The following CMSS1 variants were observed in gnomAD, a reference collection of about 807,000 sequenced individuals.
The protein encoded by CMSS1 is protein CMSS1.
CMSS1 carries 33 observed loss-of-function variants against 43.5 expected under a neutral mutation model. The observed-to-expected ratio is 0.76, with a 90% CI of 0.57 to 1.01. CMSS1 has a LOEUF of 1.01. CMSS1 is among the 50% of genes least tolerant of loss of function. CMSS1 has a pLI of 0.00. For synonymous variants in CMSS1, 115 were observed against 117.2 expected (o/e 0.98, Z 0.12); for missense variants, 313 against 326.4 (o/e 0.96, Z 0.32).
intron 1 of CMSS1, among the ~76,000 whole-genome samples, chr3:99,996,942 C>A (rs557578479): frequency 6.6e-6 from 1 of 151,896 alleles, no homozygotes; most frequent in Non-Finnish European, 1.5e-5. Context: ...AAAATTTTTT[C>A]GAAACAAATG....
chr3:99,940,195 G>A (rs1376839581), intron 1 of CMSS1, among the ~76,000 whole-genome samples: 5 of 152,216 alleles, frequency 3.3e-5, no homozygotes. Flanking sequence ...AAACAGGGCT[G>A]AGAATGTTTT....
chr3:100,094,741 T>C, intron 1 of CMSS1, among the ~76,000 whole-genome samples: 1 of 130,762 alleles, frequency 7.6e-6, no homozygotes, highest in Non-Finnish European at 1.6e-5. Context: ...TGGAGTGCAG[T>C]GGCACAATCT....
intron 1 of CMSS1, among the ~76,000 whole-genome samples, chr3:99,989,565 T>C (rs962195990): frequency 6.6e-6 from 1 of 152,286 alleles, no homozygotes; most frequent in African/African-American, 2.4e-5. Flanking sequence ...GTTTCACTGC[T>C]CTTGCAAGCT....
intron 1 of CMSS1, among the ~76,000 whole-genome samples, chr3:100,097,773 G>T (rs2066236557): frequency 6.6e-6 from 1 of 152,062 alleles, no homozygotes; most frequent in Non-Finnish European, 1.5e-5. Context: ...AAGACTACTT[G>T]GTTATTAAAT....
At chr3:99,854,470 A>T (rs781102604) in intron 1 of CMSS1, among the ~76,000 whole-genome samples, 5 of 152,192 alleles carry the variant, frequency 3.3e-5, no homozygotes, top group South Asian at 4.1e-4. Flanking sequence ...AGAGCTGTGT[A>T]GTCAAATTAT....
chr3:99,906,113 G>C (rs1035179164), intron 1 of CMSS1, among the ~76,000 whole-genome samples: 1 of 152,218 alleles, frequency 6.6e-6, no homozygotes, highest in Admixed American at 6.5e-5. Flanking sequence ...AGGATCGCTT[G>C]AGCCCAGGAG....
chr3:99,920,089 T>C (rs1707077357), intron 1 of CMSS1, among the ~76,000 whole-genome samples: 1 of 152,226 alleles, frequency 6.6e-6, no homozygotes, highest in Non-Finnish European at 1.5e-5. Flanking sequence ...TTTAAGGCTT[T>C]AACACAATCC....
chr3:100,101,645 G>A (rs969006760), intron 1 of CMSS1, among the ~76,000 whole-genome samples: 3 of 152,128 alleles, frequency 2.0e-5, no homozygotes, highest in Non-Finnish European at 2.9e-5. Context: ...TATACTTTAA[G>A]TTTTAGGGTA....
At chr3:99,849,028 T>C in intron 1 of CMSS1, 1 of 1,614,082 alleles carries the variant, frequency 6.2e-7, no homozygotes, top group Non-Finnish European at 8.5e-7. Flanking sequence ...AAAGTTGGCA[T>C]TGGGTTTAGT....
chr3:99,912,533 A>C (rs1393932207), intron 1 of CMSS1, among the ~76,000 whole-genome samples: 1 of 152,122 alleles, frequency 6.6e-6, no homozygotes, highest in Non-Finnish European at 1.5e-5. Context: ...GCATGCCAGC[A>C]CACCCAGCTA....
intron 1 of CMSS1, among the ~76,000 whole-genome samples, chr3:100,110,332 A>G (rs2107475353): frequency 6.6e-6 from 1 of 152,242 alleles, no homozygotes; most frequent in East Asian, 1.9e-4. Flanking sequence ...GCTCAGAAGC[A>G]GCTGCCTCTG....
chr3:99,881,023 A>G (rs984637320), intron 1 of CMSS1, among the ~76,000 whole-genome samples: 3 of 152,338 alleles, frequency 2.0e-5, no homozygotes, highest in South Asian at 2.1e-4. Flanking sequence ...CACAAAGCCA[A>G]CTACTGCCTG....
chr3:100,101,934 T>C (rs1235406366), intron 1 of CMSS1, among the ~76,000 whole-genome samples: 1 of 152,178 alleles, frequency 6.6e-6, no homozygotes, highest in African/African-American at 2.4e-5. Flanking sequence ...TCCATGTCCC[T>C]ACAAAGGACA....
chr3:100,152,313 TCTGACTCTCTCAGC>T (rs1330991179), intron 2 of CMSS1, among the ~76,000 whole-genome samples: 4 of 152,286 alleles, frequency 2.6e-5, no homozygotes, highest in Non-Finnish European at 5.9e-5. Flanking sequence ...CTCATTGTTC[TCTGACTCTCTCAGC>T]CCAAACTAGT....
chr3:100,101,497 C>A (rs529120123), intron 1 of CMSS1, among the ~76,000 whole-genome samples: 1 of 152,158 alleles, frequency 6.6e-6, no homozygotes, highest in South Asian at 2.1e-4. Context: ...CACAACCTTG[C>A]TTTCGGTGAA....
intron 1 of CMSS1, among the ~76,000 whole-genome samples, chr3:100,026,552 A>G (rs2064925751): frequency 6.6e-6 from 1 of 152,118 alleles, no homozygotes; most frequent in Non-Finnish European, 1.5e-5. Flanking sequence ...TTATTAAATT[A>G]AATCTCCTGA....
rs560872448 is a variant in CMSS1, at chr3:100,033,133, A to G, written c.65-113840A>G. On this transcript the variant is annotated intron_variant, in intron 1 of 9. Coordinates refer to ENST00000421999, the MANE Select transcript of CMSS1 (RefSeq NM_032359.4). ...GGATAGCATTACTTTATAAATATTA[A>G]TTTTACTCTGTGGTTACTGTATGGT... Among the ~76,000 whole-genome samples the G allele has an allele frequency of 6.6e-5, 10 of 152,238 alleles. No individual in the cohort carries two copies. In the East Asian group the frequency reaches 1.9e-3, roughly 29 times the overall value.
intron 1 of CMSS1, among the ~76,000 whole-genome samples, chr3:99,999,253 A>C (rs1709774070): frequency 6.6e-6 from 1 of 152,212 alleles, no homozygotes. Flanking sequence ...TCACTGTAGC[A>C]AGGAGGAAAA....
rs141283281 is a variant in CMSS1 at position 99,880,824 on chromosome 3, C to G, written c.64+62781C>G. Among the ~76,000 whole-genome samples the G allele has an allele frequency of 3.8e-3, 577 of 152,188 alleles. 3 individuals are homozygous for G. Among genetic ancestry groups the G allele is most frequent in the African/African-American group, 0.013 (549 of 41,530 alleles). ...TTCAATGTACTGTGTTTCTTTTAGT[C>G]TTTTTCTAAGCATTTATAAAGCATC... On this transcript the variant is annotated intron_variant, in intron 1 of 9. Transcript: ENST00000421999.
Sources: gnomAD v4.1 joint callset for allele counts (sites outside exome capture counted in the v4.1 genomes callset) on GRCh38, gnomAD v4.1.1 for gene constraint, MANE v1.5 for transcripts, NCBI Gene and HGNC (gene_info 2026-07-23, HGNC 2026-07-21) for gene names.